The following EXOC4 variants were observed in gnomAD, a reference collection of about 807,000 sequenced individuals.
The protein encoded by EXOC4 is exocyst complex component 4, also known as SEC8-like 1.
EXOC4 carries 71 observed loss-of-function variants against 107.2 expected under a neutral mutation model. The observed-to-expected ratio is 0.66, with a 90% CI of 0.55 to 0.81. EXOC4 has a LOEUF of 0.81. EXOC4 is among the 30% of genes least tolerant of loss of function. The probability of loss-of-function intolerance (pLI) is 0.00; values close to 1 mark genes in which losing one functional copy is unlikely to be tolerated. For synonymous variants in EXOC4, 456 were observed against 441.2 expected, an observed-to-expected ratio of 1.03 and a Z score of -0.42; for missense variants, 1,108 against 1,189.6, an observed-to-expected ratio of 0.93 and a Z score of 1.01.
intron 4 of EXOC4, among the ~76,000 whole-genome samples, chr7:133,310,677 A>G (rs1794851616): frequency 6.6e-6 from 1 of 152,102 alleles, no homozygotes; most frequent in South Asian, 2.1e-4. Flanking sequence ...TTGGGTTGCT[A>G]TTTTTGCTGG....
intron 11 of EXOC4, among the ~76,000 whole-genome samples, chr7:133,878,401 T>A (rs1798894531): frequency 6.6e-6 from 1 of 152,238 alleles, no homozygotes; most frequent in Admixed American, 6.5e-5. Context: ...ATCTTCTGTA[T>A]TTGTCTGATT....
intron 10 of EXOC4, among the ~76,000 whole-genome samples, chr7:133,705,499 C>T (rs1352734545): frequency 1.3e-5 from 2 of 152,184 alleles, no homozygotes; most frequent in African/African-American, 4.8e-5. Context: ...GTAGTTCCTC[C>T]TTATCCACAA....
At chr7:134,097,888 C>A in the EXOC4 span, among the ~76,000 whole-genome samples, 1 of 152,186 alleles carries the variant, frequency 6.6e-6, no homozygotes, top group Non-Finnish European at 1.5e-5. Context: ...GGAAATCCGA[C>A]TTGGATCAGT....
At chr7:133,981,994 A>G (rs979587178) in intron 14 of EXOC4, among the ~76,000 whole-genome samples, 1 of 152,240 alleles carries the variant, frequency 6.6e-6, no homozygotes, top group African/African-American at 2.4e-5. Context: ...TTAGCAAAGT[A>G]ATGCAGGAAC....
At chr7:133,308,125 G>C (rs1794794995) in intron 4 of EXOC4, among the ~76,000 whole-genome samples, 1 of 152,062 alleles carries the variant, frequency 6.6e-6, no homozygotes, top group Non-Finnish European at 1.5e-5. Context: ...TTGATGAAGA[G>C]GAAAAAGACA....
At chr7:133,796,856 G>A (rs569060045) in intron 10 of EXOC4, among the ~76,000 whole-genome samples, 3 of 152,324 alleles carry the variant, frequency 2.0e-5, no homozygotes, top group South Asian at 4.1e-4. Flanking sequence ...TGCCTGGGAA[G>A]CTAATTATTC....
chr7:133,446,468 A>G (rs1798222538), intron 7 of EXOC4, among the ~76,000 whole-genome samples: 1 of 152,134 alleles, frequency 6.6e-6, no homozygotes, highest in African/African-American at 2.4e-5. Flanking sequence ...TAGTTTGCTC[A>G]CTGTTAGCTA....
At chr7:133,774,787 C>G (rs1796311988) in intron 10 of EXOC4, among the ~76,000 whole-genome samples, 1 of 152,064 alleles carries the variant, frequency 6.6e-6, no homozygotes, top group South Asian at 2.1e-4. Flanking sequence ...AAGCTCATCT[C>G]TGGAGTAATT....
chr7:133,580,882 C>A (rs753688064), intron 9 of EXOC4, among the ~76,000 whole-genome samples: 1 of 152,198 alleles, frequency 6.6e-6, no homozygotes, highest in African/African-American at 2.4e-5. Flanking sequence ...GTGCCTAAGT[C>A]ATTGTGCCTG....
At chr7:134,080,958 A>G in the EXOC4 span, among the ~76,000 whole-genome samples, 1 of 152,172 alleles carries the variant, frequency 6.6e-6, no homozygotes. Context: ...TTGTAAACAC[A>G]TAAATAAAAG....
At chr7:133,358,846 G>A (rs1281050560) in intron 6 of EXOC4, among the ~76,000 whole-genome samples, 1 of 151,874 alleles carries the variant, frequency 6.6e-6, no homozygotes, top group African/African-American at 2.4e-5. Context: ...AGCACTAGAA[G>A]TATAATAGAA....
intron 11 of EXOC4, among the ~76,000 whole-genome samples, chr7:133,867,173 G>A (rs1268009399): frequency 1.3e-5 from 2 of 152,176 alleles, no homozygotes; most frequent in African/African-American, 4.8e-5. Flanking sequence ...TCAAGCCCTG[G>A]CCCTCCCATT....
chr7:134,013,896 G>A (rs1010746241), intron 17 of EXOC4, among the ~76,000 whole-genome samples: 2 of 152,178 alleles, frequency 1.3e-5, no homozygotes, highest in Non-Finnish European at 2.9e-5. Flanking sequence ...CAATGAAAAT[G>A]TTGGCAAGGT....
intron 9 of EXOC4, among the ~76,000 whole-genome samples, chr7:133,551,065 T>C (rs1800578782): frequency 6.6e-6 from 1 of 152,132 alleles, no homozygotes; most frequent in Non-Finnish European, 1.5e-5. Context: ...CTTGCCTACA[T>C]AGCTCCCACA....
intron 10 of EXOC4, among the ~76,000 whole-genome samples, chr7:133,652,972 A>G (rs1489429133): frequency 6.6e-6 from 1 of 152,168 alleles, no homozygotes; most frequent in Admixed American, 6.5e-5. Flanking sequence ...AATTGTAGGA[A>G]TTTAAAACTA....
intron 7 of EXOC4, among the ~76,000 whole-genome samples, chr7:133,419,497 A>G (rs1797553486): frequency 6.6e-6 from 1 of 152,118 alleles, no homozygotes; most frequent in South Asian, 2.1e-4. Flanking sequence ...AAAGGGATAA[A>G]ATCTGTATGA....
intron 9 of EXOC4, among the ~76,000 whole-genome samples, chr7:133,543,559 A>G (rs1428880052): frequency 6.6e-6 from 1 of 152,114 alleles, no homozygotes; most frequent in Admixed American, 6.5e-5. Flanking sequence ...TTATTAGGTT[A>G]TCCTTATGCT....
intron 9 of EXOC4, among the ~76,000 whole-genome samples, chr7:133,560,766 A>G (rs1800790186): frequency 6.6e-6 from 1 of 152,202 alleles, no homozygotes; most frequent in South Asian, 2.1e-4. Flanking sequence ...AAAGAAGAAA[A>G]AGTTTTCTTA....
At chr7:134,059,315 A>G (rs1382476931) in intron 17 of EXOC4, among the ~76,000 whole-genome samples, 1 of 152,204 alleles carries the variant, frequency 6.6e-6, no homozygotes, top group Non-Finnish European at 1.5e-5. Flanking sequence ...CCAACTTGGG[A>G]GGTAGAACCA....
Sources: gnomAD v4.1 joint callset for allele counts (sites outside exome capture counted in the v4.1 genomes callset) on GRCh38, gnomAD v4.1.1 for gene constraint, MANE v1.5 for transcripts, NCBI Gene and HGNC (gene_info 2026-07-23, HGNC 2026-07-21) for gene names.